Variants in PCDH15 observed in about 807,000 individuals in gnomAD.
PCDH15 encodes protocadherin related 15.
A neutral mutation model predicts 178.5 loss-of-function variants in PCDH15; 129 were observed. The observed-to-expected ratio is 0.72, with a 90% CI of 0.63 to 0.84. The LOEUF (loss-of-function observed/expected upper bound fraction) is 0.84, where lower values mean the gene tolerates loss of function less well. Ranked by LOEUF, PCDH15 falls within the 40% of genes least tolerant of loss-of-function variation. The pLI, the probability that PCDH15 is intolerant of heterozygous loss-of-function variation, is 0.00. For missense variants in PCDH15, 2,230 were observed against 2,099.9 expected, an observed-to-expected ratio of 1.06 and a Z score of -1.21; for synonymous variants, 800 against 732.0, an observed-to-expected ratio of 1.09 and a Z score of -1.50.
intron 15 of PCDH15, among the ~76,000 whole-genome samples, chr10:54,104,193 T>C (rs2136184124): frequency 6.6e-6 from 1 of 152,220 alleles, no homozygotes; most frequent in Non-Finnish European, 1.5e-5. Flanking sequence ...GCAGCATGGA[T>C]TAGAGAGAGG....
chr10:54,971,978 T>A (rs947812637), intron 2 of PCDH15, among the ~76,000 whole-genome samples: 2 of 152,162 alleles, frequency 1.3e-5, no homozygotes, highest in Non-Finnish European at 2.9e-5. Flanking sequence ...CACTGTCGAT[T>A]CCCTGATGTC....
chr10:54,224,813 G>C (rs769892440), intron 9 of PCDH15, among the ~76,000 whole-genome samples: 2 of 151,760 alleles, frequency 1.3e-5, no homozygotes, highest in African/African-American at 4.8e-5. Flanking sequence ...TGCATTCTTT[G>C]ATAATTCTAA....
At chr10:55,311,857 G>C (rs887965654) in intron 1 of PCDH15, among the ~76,000 whole-genome samples, 1 of 152,090 alleles carries the variant, frequency 6.6e-6, no homozygotes, top group Non-Finnish European at 1.5e-5. Flanking sequence ...AGCCAAAAAA[G>C]GTTGTTTCTT....
At chr10:54,999,904 T>A (rs917528898) in intron 2 of PCDH15, among the ~76,000 whole-genome samples, 5 of 152,098 alleles carry the variant, frequency 3.3e-5, no homozygotes, top group Non-Finnish European at 5.9e-5. Flanking sequence ...AACCAGCAAG[T>A]TTTTATTAGT....
At chr10:54,817,914 G>C (rs890699144) in intron 3 of PCDH15, among the ~76,000 whole-genome samples, 11 of 151,890 alleles carry the variant, frequency 7.2e-5, no homozygotes, top group African/African-American at 2.7e-4. Context: ...ATTTCATTCT[G>C]TCTTGAATCA....
chr10:55,433,780 T>A (rs1838951864), intron 2 of PCDH15, among the ~76,000 whole-genome samples: 1 of 152,118 alleles, frequency 6.6e-6, no homozygotes, highest in South Asian at 2.1e-4. Context: ...TTCTATGATT[T>A]CAATTCACTT....
intron 3 of PCDH15, among the ~76,000 whole-genome samples, chr10:54,817,160 A>C (rs1052819619): frequency 6.6e-6 from 1 of 151,978 alleles, no homozygotes; most frequent in Non-Finnish European, 1.5e-5. Context: ...AAATACATTA[A>C]GAGAAATTTT....
intron 3 of PCDH15, among the ~76,000 whole-genome samples, chr10:54,813,201 G>T (rs1952893682): frequency 6.6e-6 from 1 of 151,732 alleles, no homozygotes; most frequent in African/African-American, 2.4e-5. Context: ...TTTAGATTTT[G>T]TCCTAGGCAC....
chr10:54,099,086 A>AT (rs1219478140), intron 15 of PCDH15, among the ~76,000 whole-genome samples: 3 of 152,192 alleles, frequency 2.0e-5, no homozygotes, highest in Non-Finnish European at 2.9e-5. Context: ...CCTTCACTAG[A>AT]TAAAAACCAG....
At chr10:55,405,547 G>A (rs1554863202) in intron 2 of PCDH15, among the ~76,000 whole-genome samples, 1 of 151,350 alleles carries the variant, frequency 6.6e-6, no homozygotes, top group Non-Finnish European at 1.5e-5. Flanking sequence ...CATATAGTGA[G>A]TATCTTTGGA....
At chr10:55,602,195 C>A (rs1358748967) in intron 2 of PCDH15, among the ~76,000 whole-genome samples, 3 of 152,148 alleles carry the variant, frequency 2.0e-5, no homozygotes, top group African/African-American at 7.2e-5. Context: ...TAAAAAACAG[C>A]ACACCACGAG....
At chr10:54,959,047 A>T (rs1838572405) in intron 2 of PCDH15, among the ~76,000 whole-genome samples, 1 of 151,832 alleles carries the variant, frequency 6.6e-6, no homozygotes, top group Non-Finnish European at 1.5e-5. Context: ...GGAAAACTTA[A>T]AATAACTATA....
intron 3 of PCDH15, among the ~76,000 whole-genome samples, chr10:54,384,937 T>C (rs533240622): frequency 1.2e-4 from 18 of 152,228 alleles, no homozygotes; most frequent in African/African-American, 4.1e-4. Flanking sequence ...CAAACAATTA[T>C]ATAAGACAAT....
intron 1 of PCDH15, among the ~76,000 whole-genome samples, chr10:55,201,849 G>GTTTGTCTAC (rs1840259853): frequency 6.6e-6 from 1 of 152,032 alleles, no homozygotes; most frequent in African/African-American, 2.4e-5. Flanking sequence ...AAATAGGTTT[G>GTTTGTCTAC]TTTGTCTACT....
At chr10:55,387,427 T>A (rs1308666893) in intron 2 of PCDH15, among the ~76,000 whole-genome samples, 1 of 152,126 alleles carries the variant, frequency 6.6e-6, no homozygotes, top group African/African-American at 2.4e-5. Flanking sequence ...AAATTTTCAC[T>A]GTTAGAAAAA....
intron 16 of PCDH15, among the ~76,000 whole-genome samples, chr10:54,085,895 G>A (rs193288137): frequency 1.3e-5 from 2 of 152,050 alleles, no homozygotes; most frequent in African/African-American, 2.4e-5. Context: ...GAGAGAATTT[G>A]CATTATAGCA....
intron 26 of PCDH15, among the ~76,000 whole-genome samples, chr10:53,873,317 T>G (rs927707620): frequency 1.3e-5 from 2 of 152,248 alleles, no homozygotes; most frequent in African/African-American, 4.8e-5. Context: ...TTCTTTAAAT[T>G]ACCAAGTCCA....
chr10:54,082,142 C>T (rs1326544555), intron 16 of PCDH15, among the ~76,000 whole-genome samples: 1 of 152,110 alleles, frequency 6.6e-6, no homozygotes, highest in African/African-American at 2.4e-5. Flanking sequence ...TATCCTTATT[C>T]ATAAAGAACT....
At chr10:54,825,386 C>T (rs576353645) in intron 3 of PCDH15, among the ~76,000 whole-genome samples, 34 of 147,112 alleles carry the variant, frequency 2.3e-4, no homozygotes, top group South Asian at 1.3e-3. Context: ...TGGGTATATA[C>T]CCAGTAATGG....
Sources: gnomAD v4.1 joint callset for allele counts (sites outside exome capture counted in the v4.1 genomes callset) on GRCh38, gnomAD v4.1.1 for gene constraint, MANE v1.5 for transcripts, NCBI Gene and HGNC (gene_info 2026-07-23, HGNC 2026-07-21) for gene names.